Variants in GIGYF2 observed in about 807,000 individuals in gnomAD.
GIGYF2 encodes GRB10-interacting GYF protein 2.
In GIGYF2, 25 loss-of-function variants were observed where a neutral mutation model predicts 208.1. That is an observed-to-expected ratio of 0.12 (90% CI 0.09 to 0.17). GIGYF2 has a LOEUF of 0.17. GIGYF2 is among the 10% of genes least tolerant of loss of function. The pLI, the probability that GIGYF2 is intolerant of heterozygous loss-of-function variation, is 1.00. For synonymous variants in GIGYF2, 534 were observed against 543.8 expected (o/e 0.98, Z 0.25); for missense variants, 1,302 against 1,579.4 (o/e 0.82, Z 2.98).
intron 3 of GIGYF2, among the ~76,000 whole-genome samples, chr2:232,745,897 T>A (rs78020973): frequency 0.018 from 2,745 of 152,250 alleles, 90 homozygotes; most frequent in African/African-American, 0.062. Flanking sequence ...CCAGTTTACA[T>A]GAAATGCAAA....
chr2:232,710,737 T>C (rs1187720657), intron 2 of GIGYF2, among the ~76,000 whole-genome samples: 2 of 150,832 alleles, frequency 1.3e-5, no homozygotes, highest in Admixed American at 6.6e-5. Flanking sequence ...TCGCTCTTGT[T>C]TCCCTGGCTG....
rs906186738 is a variant in GIGYF2 at position 232,787,181 on chromosome 2, A to G, written c.564A>G (p.Thr188=). ...CAAATTTTGAGGAAGGTGGACCAAC[A>G]TCAGTAGGGAGAAAGCATGAATTTA... ...GRPNFEEGGP[T]SVGRKHEFIR... Residue 188 remains threonine (T), a synonymous_variant, in exon 9 of 29, where the codon ACA becomes ACG. Transcript: ENST00000373563. 2 of 1,613,992 alleles carry G rather than the reference A, an allele frequency of 1.2e-6. No homozygotes were observed. Among genetic ancestry groups the G allele is most frequent in the African/African-American group, 1.3e-5 (1 of 74,920 alleles).
intron 21 of GIGYF2, among the ~76,000 whole-genome samples, chr2:232,829,967 G>A (rs905298746): frequency 2.5e-4 from 37 of 150,088 alleles, no homozygotes; most frequent in African/African-American, 8.6e-4. Context: ...TCATTCGTTT[G>A]TTTGTTTGTT....
At position 232,860,155 on chromosome 2, in the gene GIGYF2, G is replaced by GGGTTTT. The variant is rs1559175732; in HGVS notation, c.*3296_*3301dup. 1 of 152,010 alleles carries GGGTTTT rather than the reference G, an allele frequency of 6.6e-6. No individual in the cohort carries two copies. Among genetic ancestry groups the GGGTTTT allele is most frequent in the Non-Finnish European group, 1.5e-5 (1 of 68,004 alleles). 9.4% of individuals were successfully genotyped at this position (152,010 alleles called of 1,614,324 possible). A position where few individuals can be genotyped will look rare whatever the true frequency, so the allele number is the denominator to read the frequency against. On this transcript the variant is annotated 3_prime_UTR_variant, in exon 29 of 29. Coordinates refer to ENST00000373563, the MANE Select transcript of GIGYF2 (RefSeq NM_001103146.3). ...TTTATTTTCATTGGCTTTAAGTTGA[G>GGGTTTT]GGTTTTTGTTTTTGTTTTTGTATTG...
intron 21 of GIGYF2, among the ~76,000 whole-genome samples, chr2:232,823,339 T>A (rs1701152711): frequency 6.7e-6 from 1 of 150,088 alleles, no homozygotes; most frequent in African/African-American, 2.4e-5. Flanking sequence ...GGTCTACAAT[T>A]TTCTTTCTCT....
In GIGYF2 at chr2:232,812,608, T is replaced by C. The variant is rs149563797; in HGVS notation, c.2107+117T>C. 6,044 of 652,248 alleles carry C rather than the reference T, an allele frequency of 9.3e-3. 175 individuals carry two copies. Among genetic ancestry groups the C allele is most frequent in the Admixed American group, 0.07 (2,978 of 42,466 alleles). The allele number at this position is 652,248 out of a possible 1,614,324, so 40.4% of individuals were successfully genotyped here. A position where few individuals can be genotyped will look rare whatever the true frequency, so the allele number is the denominator to read the frequency against. On this transcript the variant is annotated intron_variant, in intron 18 of 28. Coordinates refer to ENST00000373563, the MANE Select transcript of GIGYF2 (RefSeq NM_001103146.3). ...TCTGAATCCATTTTGTATTTGATAT[T>C]AACAAAAGGTCCATTTTTTACTAGA... is the stretch of plus-strand genomic sequence containing the variant.
chr2:232,748,030 A>AG (rs1698213758), intron 4 of GIGYF2, among the ~76,000 whole-genome samples: 1 of 152,144 alleles, frequency 6.6e-6, no homozygotes, highest in Non-Finnish European at 1.5e-5. Context: ...TTTGTATCCT[A>AG]GTTCAGTGGC....
rs1574801466 is a variant in GIGYF2 at position 232,725,412 on chromosome 2, C to A, written c.-43-9743C>A. On this transcript the variant is annotated intron_variant, in intron 2 of 28. Coordinates refer to ENST00000373563, the MANE Select transcript of GIGYF2 (RefSeq NM_001103146.3). ...CCCTGTCCCCCTTTATCCTTAAAGA[C>A]TGCCTCATTCTTAGTATATGGTTTT... Among the ~76,000 whole-genome samples the A allele has an allele frequency of 3.3e-5, 5 of 152,306 alleles. No homozygotes were observed. The East Asian group carries it at 9.6e-4, about 29-fold the overall frequency.
At chr2:232,855,615 A>G in intron 28 of GIGYF2, among the ~76,000 whole-genome samples, 1 of 152,056 alleles carries the variant, frequency 6.6e-6, no homozygotes, top group Non-Finnish European at 1.5e-5. Context: ...GGAGCCTCTT[A>G]CCCTGAGTAT....
chr2:232,754,711 A>C (rs570070455), intron 5 of GIGYF2, among the ~76,000 whole-genome samples: 1 of 152,190 alleles, frequency 6.6e-6, no homozygotes, highest in Non-Finnish European at 1.5e-5. Context: ...TCTGTGCTAA[A>C]AGGTAAGTTA....
In GIGYF2 at chr2:232,792,899, A is replaced by C. The variant is rs143610070; in HGVS notation, c.1282+1453A>C. ...TTCATAGATGTACATTAAAGGTCGA[A>C]ACTCCAGATTTATAGTGTGTAGAGG... On this transcript the variant is annotated intron_variant, in intron 12 of 28. Coordinates refer to ENST00000373563, the MANE Select transcript of GIGYF2 (RefSeq NM_001103146.3). Among the ~76,000 whole-genome samples, 5 of 152,294 alleles carry C rather than the reference A, an allele frequency of 3.3e-5. No homozygotes were observed. In the East Asian group the frequency reaches 9.6e-4, roughly 29 times the overall value.
In GIGYF2 at chr2:232,858,447, A is replaced by G. The variant is rs1690652620; in HGVS notation, c.*1587A>G. 2.2e-6 allele frequency: 1 copy of G among 453,956 alleles called. No individual in the cohort carries two copies. 28.1% of individuals were successfully genotyped at this position (453,956 alleles called of 1,614,324 possible). Reference sequence around the variant, plus strand: ...GTATATAGTTTTTGGATCAAATAGCATGAGGGGAGAGGAAACCATTAAAAG... The same window carrying G: ...GTATATAGTTTTTGGATCAAATAGCGTGAGGGGAGAGGAAACCATTAAAAG... On this transcript the variant is annotated 3_prime_UTR_variant, in exon 29 of 29. Coordinates refer to ENST00000373563, the MANE Select transcript of GIGYF2 (RefSeq NM_001103146.3).
chr2:232,727,775 C>T (rs1026359122), intron 2 of GIGYF2, among the ~76,000 whole-genome samples: 3 of 152,116 alleles, frequency 2.0e-5, no homozygotes, highest in Non-Finnish European at 4.4e-5. Flanking sequence ...GATTGTAACT[C>T]TGTGGATTCA....
chr2:232,795,134 G>A (rs1700185042), intron 13 of GIGYF2, among the ~76,000 whole-genome samples, 190 bp downstream of exon 13: 1 of 152,168 alleles, frequency 6.6e-6, no homozygotes, highest in Non-Finnish European at 1.5e-5. Context: ...CTGCTATGTA[G>A]TAGTCATTAT....
At chr2:232,844,319 A>G (rs368625758) in intron 24 of GIGYF2, 50 bp from the exon 25 acceptor site, 16 of 1,612,536 alleles carry the variant, frequency 9.9e-6, no homozygotes, top group Admixed American at 1.7e-5. Context: ...CTGTCTTCTT[A>G]TCTTTTTAAC....
intron 2 of GIGYF2, among the ~76,000 whole-genome samples, chr2:232,734,020 T>C (rs1246079759): frequency 6.6e-6 from 1 of 151,950 alleles, no homozygotes; most frequent in African/African-American, 2.4e-5. Context: ...TTTTGAAATG[T>C]CACTTGTGAA....
At chr2:232,728,776 G>A (rs1697320276) in intron 2 of GIGYF2, among the ~76,000 whole-genome samples, 1 of 152,034 alleles carries the variant, frequency 6.6e-6, no homozygotes. Flanking sequence ...AAATAAAGAT[G>A]GGCAAAGAAA....
At position 232,735,631 on chromosome 2, in the gene GIGYF2, T is replaced by C. The variant is rs1697701061; in HGVS notation, c.41+393T>C. ...CATAGATTGATTTGAGAAATAGTTT[T>C]CATTGAAGTATTATTTGAAAGATGG... On this transcript the variant is annotated intron_variant, in intron 3 of 28. Transcript: ENST00000373563. The C allele has an allele frequency of 5.3e-6, 4 of 760,348 alleles. No homozygotes were observed. In the African/African-American group the frequency reaches 5.7e-5, roughly 11 times the overall value. The allele number at this position is 760,348 out of a possible 1,614,324, so 47.1% of individuals were successfully genotyped here.
intron 2 of GIGYF2, among the ~76,000 whole-genome samples, chr2:232,716,803 G>C (rs1696703368): frequency 6.6e-6 from 1 of 151,762 alleles, no homozygotes. Context: ...TTTGTTTCAT[G>C]CTCACTGAAG....
Sources: gnomAD v4.1 joint callset for allele counts (sites outside exome capture counted in the v4.1 genomes callset) on GRCh38, gnomAD v4.1.1 for gene constraint, MANE v1.5 for transcripts, NCBI Gene and HGNC (gene_info 2026-07-23, HGNC 2026-07-21) for gene names.